The following DCLK2 variants were observed in gnomAD, a reference collection of about 807,000 sequenced individuals.
DCLK2 encodes serine/threonine-protein kinase DCLK2.
In DCLK2, 31 loss-of-function variants were observed where a neutral mutation model predicts 78.4. That is an observed-to-expected ratio of 0.40 (90% CI 0.30 to 0.53). The LOEUF (loss-of-function observed/expected upper bound fraction) is 0.53. Ranked by LOEUF, DCLK2 falls within the 20% of genes least tolerant of loss-of-function variation. DCLK2 has a pLI of 0.61. For synonymous variants in DCLK2, 407 were observed against 374.9 expected (o/e 1.09, Z -0.99); for missense variants, 872 against 973.7 (o/e 0.90, Z 1.39).
rs1204471649 is a variant in DCLK2, at chr4:150,256,482, G to C, written c.*235G>C. ...AAAGGCTGCATCCGTTCTGCCAACA[G>C]CTGTTCGGAGAGACTCGTTCCAGAT... is the stretch of plus-strand genomic sequence containing the variant. On this transcript the variant is annotated 3_prime_UTR_variant, in exon 16 of 16. Coordinates refer to ENST00000296550, the MANE Select transcript of DCLK2 (RefSeq NM_001040260.4). 2.0e-6 allele frequency: 1 copy of C among 511,504 alleles called. No individual in the cohort carries two copies. Among genetic ancestry groups the C allele is most frequent in the Non-Finnish European group, 3.4e-6 (1 of 297,250 alleles). The allele number at this position is 511,504 out of a possible 1,614,324, so 31.7% of individuals were successfully genotyped here.
chr4:150,182,541 C>T (rs962969399), intron 2 of DCLK2, among the ~76,000 whole-genome samples: 4 of 152,154 alleles, frequency 2.6e-5, no homozygotes, highest in Admixed American at 6.5e-5. Flanking sequence ...ATGATAATGG[C>T]TCAGGCAGAT....
At chr4:150,135,916 A>G (rs1733654878) in intron 2 of DCLK2, among the ~76,000 whole-genome samples, 1 of 152,198 alleles carries the variant, frequency 6.6e-6, no homozygotes, top group African/African-American at 2.4e-5. Context: ...GAAACCATGG[A>G]CTTATTAGTG....
At chr4:150,207,508 T>C (rs1033829668) in intron 5 of DCLK2, among the ~76,000 whole-genome samples, 2 of 152,210 alleles carry the variant, frequency 1.3e-5, no homozygotes, top group African/African-American at 4.8e-5. Flanking sequence ...ATATAAAATA[T>C]AGACAATCCA....
At chr4:150,105,278 A>G (rs1264260007) in intron 2 of DCLK2, among the ~76,000 whole-genome samples, 5 of 152,292 alleles carry the variant, frequency 3.3e-5, no homozygotes, top group Admixed American at 1.3e-4. Context: ...ATGCCAAGCA[A>G]GGGTTTATAT....
chr4:150,254,889 G>A (rs1744450350), intron 15 of DCLK2, among the ~76,000 whole-genome samples: 1 of 152,084 alleles, frequency 6.6e-6, no homozygotes, highest in African/African-American at 2.4e-5. Flanking sequence ...TGTTGCCCAG[G>A]CTGGTCTCAA....
intron 2 of DCLK2, among the ~76,000 whole-genome samples, chr4:150,123,387 G>C (rs1732701578): frequency 6.6e-6 from 1 of 152,148 alleles, no homozygotes; most frequent in Non-Finnish European, 1.5e-5. Context: ...TGAGGGAGCA[G>C]CTGGTTGGTG....
intron 2 of DCLK2, among the ~76,000 whole-genome samples, chr4:150,136,955 T>C (rs1476431392): frequency 6.6e-6 from 1 of 151,208 alleles, no homozygotes; most frequent in Non-Finnish European, 1.5e-5. Context: ...TGTATTTATT[T>C]CTCATCTTTT....
chr4:150,115,698 A>G (rs1000045844), intron 2 of DCLK2, among the ~76,000 whole-genome samples: 7 of 152,188 alleles, frequency 4.6e-5, no homozygotes, highest in African/African-American at 1.7e-4. Context: ...GTGTGTGACC[A>G]GGTTGATTGC....
chr4:150,233,454 C>T (rs1217843312), intron 10 of DCLK2, among the ~76,000 whole-genome samples: 4 of 152,040 alleles, frequency 2.6e-5, no homozygotes, highest in African/African-American at 9.7e-5. Context: ...TAAAGGTGAG[C>T]AGGAAAATTA....
chr4:150,234,969 T>TC (rs1400076546), intron 10 of DCLK2, among the ~76,000 whole-genome samples: 1 of 152,200 alleles, frequency 6.6e-6, no homozygotes, highest in African/African-American at 2.4e-5. Context: ...CAGGGCTTTC[T>TC]CCAGGTGTGA....
At chr4:150,150,654 A>G (rs762205261) in intron 2 of DCLK2, among the ~76,000 whole-genome samples, 2 of 152,214 alleles carry the variant, frequency 1.3e-5, no homozygotes, top group African/African-American at 2.4e-5. Flanking sequence ...TGTTGGGCTT[A>G]ATGCCCTCTT....
At chr4:150,095,403 C>A (rs1041331005) in intron 1 of DCLK2, among the ~76,000 whole-genome samples, 4 of 152,336 alleles carry the variant, frequency 2.6e-5, no homozygotes, top group South Asian at 4.1e-4. Flanking sequence ...CTTTTGTCAT[C>A]TTTTGCTCAC....
chr4:150,103,454 G>A (rs867382246), intron 2 of DCLK2, among the ~76,000 whole-genome samples: 31 of 152,290 alleles, frequency 2.0e-4, no homozygotes, highest in Middle Eastern at 3.4e-3. Context: ...ATGAATAGCC[G>A]TTAGGTAAGT....
At chr4:150,081,120 T>C (rs1314204947) in intron 1 of DCLK2, among the ~76,000 whole-genome samples, 1 of 152,224 alleles carries the variant, frequency 6.6e-6, no homozygotes, top group African/African-American at 2.4e-5. Flanking sequence ...CTTAAGCACT[T>C]GTTACTCAAC....
intron 4 of DCLK2, among the ~76,000 whole-genome samples, chr4:150,201,323 C>T (rs574981828): frequency 2.0e-4 from 31 of 152,160 alleles, no homozygotes; most frequent in African/African-American, 7.2e-4. Flanking sequence ...CTTCCACTTG[C>T]GGCAGCAGCG....
At chr4:150,135,932 G>A (rs559465557) in intron 2 of DCLK2, among the ~76,000 whole-genome samples, 5 of 152,298 alleles carry the variant, frequency 3.3e-5, no homozygotes, top group South Asian at 4.1e-4. Flanking sequence ...TAGTGGCATC[G>A]TGAACATACA....
At chr4:150,084,603 G>A (rs10031412) in intron 1 of DCLK2, among the ~76,000 whole-genome samples, 22,070 of 152,176 alleles carry the variant, frequency 0.15, 1,995 homozygotes, top group Non-Finnish European at 0.21. Context: ...GGAAGGAAAG[G>A]GGATATGTGA....
At chr4:150,154,011 C>G (rs574321690) in intron 2 of DCLK2, among the ~76,000 whole-genome samples, 1 of 152,246 alleles carries the variant, frequency 6.6e-6, no homozygotes, top group South Asian at 2.1e-4. Flanking sequence ...CAGAATCAAA[C>G]TGTGTAATTG....
chr4:150,139,481 A>C (rs558215989), intron 2 of DCLK2, among the ~76,000 whole-genome samples: 1 of 152,340 alleles, frequency 6.6e-6, no homozygotes, highest in Admixed American at 6.5e-5. Context: ...TTGGTTAGCC[A>C]CAGCATATTG....
Sources: allele counts gnomAD v4.1 joint callset (sites outside exome capture counted in the v4.1 genomes callset), GRCh38; gene constraint gnomAD v4.1.1; transcripts MANE v1.5; gene names NCBI Gene and HGNC (gene_info 2026-07-23, HGNC 2026-07-21).